The following CPA1 variants were observed in gnomAD, a reference collection of about 807,000 sequenced individuals.
The protein encoded by CPA1 is carboxypeptidase A1 (pancreatic).
Under a neutral mutation model 48.7 loss-of-function variants are expected in CPA1, and 42 were observed. The observed-to-expected ratio is 0.86, with a 90% CI of 0.67 to 1.11. The LOEUF is 1.11. Among genes scored for constraint, CPA1 ranks in the 50% most tolerant of loss-of-function variants. The pLI is 0.00. For missense variants in CPA1, 477 were observed against 544.7 expected (o/e 0.88, Z 1.24); for synonymous variants, 203 against 217.9 (o/e 0.93, Z 0.60).
chr7:130,385,867 CCCTGG>C lies in CPA1; in HGVS notation c.1020_1024del (p.Ala341SerfsTer24). The C allele has an allele frequency of 6.2e-7, 1 of 1,614,150 alleles. No homozygotes were observed. The highest frequency in any genetic ancestry group is 1.1e-5 in the South Asian group (1 of 91,048). ...CAGCTTTCCAAGGCTGCTGTGACAG[CCCTGG>C]CCTCTCTCTACGGGACCAAGTTCAA... On this transcript the variant is annotated frameshift_variant, in exon 9 of 10. Transcript: ENST00000011292. LOFTEE classifies it high-confidence loss of function.
rs1796444047 is a variant in CPA1, at chr7:130,384,299, C to T, written c.697-237C>T. ...TCCTATGGCCTTCCCCACTCTCTTT[C>T]ACCCGATGCCCCCTCTGCTGATCTT... On this transcript the variant is annotated intron_variant, in intron 6 of 9. Coordinates refer to ENST00000011292, the MANE Select transcript of CPA1 (RefSeq NM_001868.4). 22 of 573,650 alleles carry T rather than the reference C, an allele frequency of 3.8e-5. No individual in the cohort carries two copies. In the South Asian group the frequency reaches 4.6e-4, roughly 12 times the overall value. The allele number at this position is 573,650 out of a possible 1,614,324, so 35.5% of individuals were successfully genotyped here.
intron 2 of CPA1, 49 bp from the exon 3 acceptor site, chr7:130,381,581 G>A (rs1796403987): frequency 1.4e-6 from 2 of 1,450,832 alleles, no homozygotes. Context: ...TGCTGTCCTG[G>A]CTGGTGCCCC....
Position 130,387,373 on chromosome 7 carries a change from T to C in CPA1, c.1073-451T>C, listed in dbSNP as rs1796488163. On this transcript the variant is annotated intron_variant, in intron 9 of 9. Transcript: ENST00000011292. The surrounding 1 kb of genome is among the most constrained non-coding windows in gnomAD (Gnocchi z 4.6). ...TCATTACCCACTGTTAATTACAGTTTCCCGGGCAAAGTTTCCTCCTAAAAG... is the reference window on the plus strand; with the variant it reads ...TCATTACCCACTGTTAATTACAGTTCCCCGGGCAAAGTTTCCTCCTAAAAG... Among the ~76,000 whole-genome samples the C allele has an allele frequency of 6.6e-6, 1 of 152,244 alleles. No homozygotes were observed. Among genetic ancestry groups the C allele is most frequent in the Non-Finnish European group, 1.5e-5 (1 of 68,038 alleles).
intron 5 of CPA1, 44 bp from the exon 6 acceptor site, chr7:130,383,640 C>A: frequency 6.7e-7 from 1 of 1,503,018 alleles, no homozygotes; most frequent in South Asian, 1.1e-5. Context: ...TTGGCAGATG[C>A]CTGGCCCAGC....
intron 6 of CPA1, 195 bp downstream of exon 6, chr7:130,383,989 T>C: frequency 3.3e-6 from 2 of 603,678 alleles, no homozygotes; most frequent in Non-Finnish European, 3.0e-6. Flanking sequence ...GGGGCTGTCC[T>C]GTGCATCCAC....
rs375166731 is a variant in CPA1, at chr7:130,383,361, C to T, written c.484-30C>T. ...AGATGAGGCCTCAGCTGTGAAATTG[C>T]CTCTGATCACTCCCCTGCCTCCTCT... On this transcript the variant is annotated intron_variant, in intron 4 of 9. Transcript: ENST00000011292. The T allele has an allele frequency of 6.3e-6, 10 of 1,594,380 alleles. No individual in the cohort carries two copies. The African/African-American group carries it at 1.3e-4, about 21-fold the overall frequency.
intron 1 of CPA1, 70 bp downstream of exon 1, chr7:130,380,655 GAGAC>G (rs1258886878): frequency 1.2e-5 from 11 of 880,526 alleles, no homozygotes; most frequent in African/African-American, 3.4e-5. Flanking sequence ...ACCAGTAGAG[GAGAC>G]AGACAGACAG....
chr7:130,386,708 A>G (rs977529997), intron 9 of CPA1, among the ~76,000 whole-genome samples: 2 of 152,214 alleles, frequency 1.3e-5, no homozygotes, highest in Non-Finnish European at 2.9e-5. Flanking sequence ...GCCCTGTTTC[A>G]TGTACTTGGG....
intron 4 of CPA1, among the ~76,000 whole-genome samples, 165 bp downstream of exon 4, chr7:130,382,374 G>A (rs1486688677): frequency 1.3e-5 from 2 of 152,176 alleles, no homozygotes; most frequent in Admixed American, 6.5e-5. Context: ...TGGTCTTGGC[G>A]TGTGCACTCC....
chr7:130,385,024 A>T, intron 7 of CPA1, 122 bp from the exon 8 acceptor site: 1 of 988,874 alleles, frequency 1.0e-6, no homozygotes, highest in Non-Finnish European at 1.5e-6. Context: ...GGCTTTCCTG[A>T]ATCCAGGGGT....
chr7:130,380,877 G>A lies in CPA1; in HGVS notation c.66-221G>A, dbSNP rs1796394280. The A allele has an allele frequency of 8.4e-6, 5 of 597,740 alleles. No homozygotes were observed. The East Asian group carries it at 1.4e-4, about 17-fold the overall frequency. 37.0% of individuals were successfully genotyped at this position (597,740 alleles called of 1,614,324 possible). On this transcript the variant is annotated intron_variant, in intron 1 of 9. Transcript: ENST00000011292. The stretch of plus-strand genomic sequence containing the variant: ...GAGAAATAGTCCAAACTGGGATTGA[G>A]ATAGTAACAGCGTCTAGAAGTTTCT...
rs782633916 is a variant in CPA1, at chr7:130,385,130, C to A, written c.788-16C>A. ...GCTGGAGGAGCCACACCGCCATGCCCTCTGTCCCCCCACAGTGTCCGGAGC... is the reference window on the plus strand; with the variant it reads ...GCTGGAGGAGCCACACCGCCATGCCATCTGTCCCCCCACAGTGTCCGGAGC... On this transcript the variant is annotated splice_polypyrimidine_tract_variant and intron_variant, in intron 7 of 9. Transcript: ENST00000011292. 1 of 1,613,768 alleles carries A rather than the reference C, an allele frequency of 6.2e-7. No individual in the cohort carries two copies. The highest frequency in any genetic ancestry group is 1.7e-5 in the Admixed American group (1 of 60,028).
rs1356404028 is a variant in CPA1 at position 130,387,265 on chromosome 7, A to G, written c.1073-559A>G. Reference sequence around the variant, plus strand: ...TTGGAAACTGATTCAACTCTGAGTCAAGGTTTTGCTTCATTCAACATGGTC... The same window carrying G: ...TTGGAAACTGATTCAACTCTGAGTCGAGGTTTTGCTTCATTCAACATGGTC... On this transcript the variant is annotated intron_variant, in intron 9 of 9. Coordinates refer to ENST00000011292, the MANE Select transcript of CPA1 (RefSeq NM_001868.4). This position sits in a 1 kb window ranked among gnomAD's most constrained non-coding sequence, Gnocchi z 4.6. Among the ~76,000 whole-genome samples the G allele has an allele frequency of 6.6e-6, 1 of 152,212 alleles. No individual in the cohort carries two copies. Among genetic ancestry groups the G allele is most frequent in the Non-Finnish European group, 1.5e-5 (1 of 68,038 alleles).
In CPA1 at chr7:130,385,335, A is replaced by G; in HGVS notation, c.977A>G (p.Gln326Arg). 6.2e-7 allele frequency: 1 copy of G among 1,614,188 alleles called. No homozygotes were observed. The highest frequency in any genetic ancestry group is 8.5e-7 in the Non-Finnish European group (1 of 1,180,024). The change falls in exon 8 of 10, where the codon CAG (glutamine) becomes CGG (arginine). Residue 326 changes from glutamine (Q) to arginine (R), a missense_variant. Coordinates refer to ENST00000011292, the MANE Select transcript of CPA1 (RefSeq NM_001868.4). The part of the protein sequence containing the change: ...YGYKTEPVPD[Q>R]DELDQLSKAA... Reference sequence around the variant, plus strand: ...TACAAAACAGAACCAGTCCCTGACCAGGATGAGCTGGTAGGCACTGACCTC... The same window carrying G: ...TACAAAACAGAACCAGTCCCTGACCGGGATGAGCTGGTAGGCACTGACCTC...
chr7:130,384,421 G>C, intron 6 of CPA1, 115 bp from the exon 7 acceptor site: 1 of 849,594 alleles, frequency 1.2e-6, no homozygotes, highest in East Asian at 2.5e-5. Flanking sequence ...TCCACCTCCA[G>C]GGAGCCCTCC....
Position 130,380,584 on chromosome 7 carries a change from G to A in CPA1, c.64G>A (p.Gly22Arg), listed in dbSNP as rs1450647687. Residue 22 changes from glycine (G) to arginine (R), a missense_variant and splice_region_variant, in exon 1 of 10, where the codon GGG (glycine) becomes AGG (arginine). By Grantham distance (125) the Gly-to-Arg change is moderately radical. Coordinates refer to ENST00000011292, the MANE Select transcript of CPA1 (RefSeq NM_001868.4). ...TGTCTTTGGCAAGGAGGACTTTGTG[G>A]GGTAGGGATGTGGAGAGGAGGGGGT... Reference protein sequence around the residue: ...GAVFGKEDFVGHQVLRISVAD... With the variant: ...GAVFGKEDFVRHQVLRISVAD... 1.5e-6 allele frequency: 2 copies of A among 1,313,276 alleles called. No homozygotes were observed. Among genetic ancestry groups the A allele is most frequent in the Non-Finnish European group, 2.0e-6 (2 of 1,020,888 alleles). 81.4% of individuals were successfully genotyped at this position (1,313,276 alleles called of 1,614,324 possible).
Position 130,383,724 on chromosome 7 carries a change from T to C in CPA1, c.626T>C (p.Ile209Thr), listed in dbSNP as rs781986613. ...GGGCAGGATGCAGCTTTCACCGCCA[T>C]TCTCGACACCTTGGACATCTTCCTG... ...DYGQDAAFTA[I>T]LDTLDIFLEI... The change falls in exon 6 of 10, where the codon ATT (isoleucine) becomes ACT (threonine). Residue 209 changes from isoleucine to threonine, a missense_variant. Coordinates refer to ENST00000011292, the MANE Select transcript of CPA1 (RefSeq NM_001868.4). 3 of 1,614,220 alleles carry C rather than the reference T, an allele frequency of 1.9e-6. No individual in the cohort carries two copies. The highest frequency in any genetic ancestry group is 1.1e-5 in the South Asian group (1 of 91,084).
intron 9 of CPA1, among the ~76,000 whole-genome samples, chr7:130,386,383 T>G (rs1186640384): frequency 6.6e-6 from 1 of 151,788 alleles, no homozygotes; most frequent in Non-Finnish European, 1.5e-5. Context: ...ATACAAAAAA[T>G]TAGCTGGGTG....
chr7:130,386,549 A>G (rs1418863250), intron 9 of CPA1, among the ~76,000 whole-genome samples: 7 of 151,824 alleles, frequency 4.6e-5, no homozygotes, highest in African/African-American at 1.7e-4. Context: ...CAAAAACAAA[A>G]ACCACTTCTC....
Sources: gnomAD v4.1 joint callset for allele counts (sites outside exome capture counted in the v4.1 genomes callset) on GRCh38, gnomAD v4.1.1 for gene constraint, Gnocchi (gnomAD v3.1) non-coding constraint, MANE v1.5 for transcripts, NCBI Gene and HGNC (gene_info 2026-07-23, HGNC 2026-07-21) for gene names.